Variants in PTH2R observed in about 807,000 individuals in gnomAD.
The protein encoded by PTH2R is PTH2 receptor.
PTH2R carries 59 observed loss-of-function variants against 60.3 expected under a neutral mutation model. The observed-to-expected ratio is 0.98, with a 90% confidence interval of 0.79 to 1.22. The LOEUF (loss-of-function observed/expected upper bound fraction) is 1.22, where lower values mean the gene tolerates loss of function less well. Among genes scored for constraint, PTH2R ranks in the 50% most tolerant of loss-of-function variants. The probability of loss-of-function intolerance (pLI) is 0.00; values close to 1 mark genes in which losing one functional copy is unlikely to be tolerated. For synonymous variants in PTH2R, 256 were observed against 243.8 expected (o/e 1.05, Z -0.47); for missense variants, 749 against 682.6 (o/e 1.10, Z -1.08).
At chr2:208,464,408 C>T (rs34076187) in intron 9 of PTH2R, among the ~76,000 whole-genome samples, 2,964 of 152,254 alleles carry the variant, frequency 0.019, 35 homozygotes, top group Middle Eastern at 0.034. Flanking sequence ...ACCTGACGGG[C>T]GCCCGAGGTC....
chr2:208,480,087 G>T (rs1052666573), intron 9 of PTH2R, among the ~76,000 whole-genome samples: 1 of 152,156 alleles, frequency 6.6e-6, no homozygotes, highest in Non-Finnish European at 1.5e-5. Flanking sequence ...AGTGAGTTTG[G>T]TGGGGTGTTC....
intron 1 of PTH2R, among the ~76,000 whole-genome samples, chr2:208,418,590 AG>A (rs1455451611): frequency 1.3e-5 from 2 of 152,114 alleles, no homozygotes; most frequent in Non-Finnish European, 2.9e-5. Context: ...CTTTGAAAAA[AG>A]GTACTTAGAA....
At chr2:208,380,790 A>T (rs887885690) in intron 1 of PTH2R, among the ~76,000 whole-genome samples, 1 of 152,120 alleles carries the variant, frequency 6.6e-6, no homozygotes, top group Non-Finnish European at 1.5e-5. Flanking sequence ...TGCATTCATC[A>T]GGTAGGGACT....
At chr2:208,399,268 G>C (rs1701265337) in intron 1 of PTH2R, among the ~76,000 whole-genome samples, 2 of 152,094 alleles carry the variant, frequency 1.3e-5, no homozygotes, top group Non-Finnish European at 2.9e-5. Flanking sequence ...TTCAGGGAAG[G>C]GTTAACTCAG....
intron 1 of PTH2R, among the ~76,000 whole-genome samples, chr2:208,373,087 A>C (rs1425453342): frequency 3.9e-5 from 6 of 152,030 alleles, no homozygotes; most frequent in Non-Finnish European, 7.4e-5. Context: ...CCCCGTCTCA[A>C]ATAAATAAAT....
At chr2:208,482,546 G>A (rs1703178421) in intron 10 of PTH2R, among the ~76,000 whole-genome samples, 1 of 152,166 alleles carries the variant, frequency 6.6e-6, no homozygotes, top group African/African-American at 2.4e-5. Flanking sequence ...AATATAGTGT[G>A]TGCATTAGTA....
chr2:208,486,726 G>A (rs925330446), intron 10 of PTH2R, among the ~76,000 whole-genome samples: 1 of 152,210 alleles, frequency 6.6e-6, no homozygotes, highest in Non-Finnish European at 1.5e-5. Context: ...GTGGTGGGAA[G>A]GGGGCACTCA....
intron 1 of PTH2R, among the ~76,000 whole-genome samples, chr2:208,419,934 A>G (rs909775628): frequency 3.3e-5 from 5 of 152,308 alleles, no homozygotes; most frequent in Non-Finnish European, 4.4e-5. Flanking sequence ...GCACATATAC[A>G]CTGTGGAATA....
At chr2:208,492,042 C>A (rs1228362538) in intron 12 of PTH2R, among the ~76,000 whole-genome samples, 1 of 152,198 alleles carries the variant, frequency 6.6e-6, no homozygotes, top group African/African-American at 2.4e-5. Context: ...GTGACATCAG[C>A]ATACTGGATT....
intron 1 of PTH2R, among the ~76,000 whole-genome samples, chr2:208,371,721 C>A (rs1379927941): frequency 1.3e-5 from 2 of 152,042 alleles, no homozygotes; most frequent in Non-Finnish European, 2.9e-5. Context: ...ATTTAGGGGA[C>A]TTTCACTGGA....
chr2:208,468,048 G>A (rs553943742), intron 9 of PTH2R, among the ~76,000 whole-genome samples: 16 of 152,266 alleles, frequency 1.1e-4, no homozygotes, highest in Admixed American at 2.0e-4. Flanking sequence ...ATAATGAAAT[G>A]GTCTTGCAGT....
At position 208,370,293 on chromosome 2, in the gene PTH2R, A is replaced by G. The variant is rs899063480; in HGVS notation, c.-259+10056A>G. ...CCTGTCTCTACTAAAAATACAAAAA[A>G]TTAGCCAGGCATGGTGGCGGGCACC... On this transcript the variant is annotated intron_variant, in intron 1 of 12. Transcript: ENST00000617735. Among the ~76,000 whole-genome samples, 7 of 151,852 alleles carry G rather than the reference A, an allele frequency of 4.6e-5. No homozygotes were observed. In the East Asian group the frequency reaches 9.7e-4, roughly 21 times the overall value.
chr2:208,410,348 C>T (rs1217003564), intron 1 of PTH2R, among the ~76,000 whole-genome samples: 3 of 152,114 alleles, frequency 2.0e-5, no homozygotes, highest in Admixed American at 2.0e-4. Flanking sequence ...CACAAGCAGC[C>T]ATGATTTATA....
chr2:208,476,281 A>G (rs1251018098), intron 9 of PTH2R, among the ~76,000 whole-genome samples: 1 of 152,190 alleles, frequency 6.6e-6, no homozygotes, highest in African/African-American at 2.4e-5. Context: ...AAGGAATTTT[A>G]AGAAAAATGG....
chr2:208,389,874 T>C (rs73064538), intron 1 of PTH2R, among the ~76,000 whole-genome samples: 2,033 of 152,126 alleles, frequency 0.013, 49 homozygotes, highest in African/African-American at 0.045. Flanking sequence ...ATCTGGCACA[T>C]AGTAGGTGTT....
intron 9 of PTH2R, among the ~76,000 whole-genome samples, chr2:208,460,989 T>C (rs751280426): frequency 3.9e-5 from 6 of 152,036 alleles, no homozygotes; most frequent in Non-Finnish European, 5.9e-5. Flanking sequence ...ATCCAAAGAA[T>C]CAGATAAAAG....
At chr2:208,468,690 G>A (rs188326678) in intron 9 of PTH2R, among the ~76,000 whole-genome samples, 4 of 152,224 alleles carry the variant, frequency 2.6e-5, no homozygotes, top group East Asian at 1.9e-4. Flanking sequence ...CCTTGATGCC[G>A]TCCAATCTAA....
intron 1 of PTH2R, among the ~76,000 whole-genome samples, chr2:208,371,679 G>A (rs1700703791): frequency 6.6e-6 from 1 of 152,070 alleles, no homozygotes; most frequent in African/African-American, 2.4e-5. Flanking sequence ...TAGGGTTGCA[G>A]TACCTTTCAG....
chr2:208,460,199 A>C (rs1227199374), intron 9 of PTH2R, among the ~76,000 whole-genome samples: 3 of 152,132 alleles, frequency 2.0e-5, no homozygotes, highest in Non-Finnish European at 4.4e-5. Flanking sequence ...CGAGACTTCA[A>C]AATATCTATG....
Sources: gnomAD v4.1 joint callset for allele counts (sites outside exome capture counted in the v4.1 genomes callset) on GRCh38, gnomAD v4.1.1 for gene constraint, MANE v1.5 for transcripts, NCBI Gene and HGNC (gene_info 2026-07-23, HGNC 2026-07-21) for gene names.